CACNA2D3: variants seen among roughly 807,000 people sequenced by gnomAD.
CACNA2D3 encodes the protein calcium voltage-gated channel auxiliary subunit alpha2delta 3.
CACNA2D3 carries 60 observed loss-of-function variants against 160.6 expected under a neutral mutation model. The observed-to-expected ratio is 0.37, with a 90% CI of 0.30 to 0.46. CACNA2D3 has a LOEUF of 0.46. Among genes scored for constraint, CACNA2D3 ranks in the 20% least tolerant of loss-of-function variants. CACNA2D3 has a pLI of 1.00. For synonymous variants in CACNA2D3, 558 were observed against 492.9 expected (o/e 1.13, Z -1.75); for missense variants, 1,205 against 1,365.0 (o/e 0.88, Z 1.85).
At chr3:54,826,155 C>T (rs1219195418) in intron 14 of CACNA2D3, among the ~76,000 whole-genome samples, 1 of 152,172 alleles carries the variant, frequency 6.6e-6, no homozygotes, top group Non-Finnish European at 1.5e-5. Context: ...TGGTCATGTT[C>T]AGCTGCCTGA....
chr3:54,139,706 C>T (rs1322713553), intron 2 of CACNA2D3, among the ~76,000 whole-genome samples: 2 of 152,148 alleles, frequency 1.3e-5, no homozygotes, highest in Admixed American at 1.3e-4. Flanking sequence ...TGAATGTTGA[C>T]TTAATAACAT....
chr3:54,777,605 G>T (rs908760975), intron 13 of CACNA2D3, among the ~76,000 whole-genome samples: 3 of 152,154 alleles, frequency 2.0e-5, no homozygotes, highest in African/African-American at 7.2e-5. Flanking sequence ...TATTAAACAC[G>T]CTTGTCATTG....
chr3:54,895,630 G>T (rs1336440354), intron 25 of CACNA2D3, among the ~76,000 whole-genome samples: 2 of 152,164 alleles, frequency 1.3e-5, no homozygotes, highest in African/African-American at 4.8e-5. Context: ...CAAACTGCTG[G>T]GTTGAAAGTG....
At chr3:54,924,183 G>A (rs1047363464) in intron 27 of CACNA2D3, among the ~76,000 whole-genome samples, 1 of 152,134 alleles carries the variant, frequency 6.6e-6, no homozygotes, top group Non-Finnish European at 1.5e-5. Context: ...TTTTAGAAAA[G>A]AATTACAGTT....
chr3:54,510,946 C>T (rs924432876), intron 5 of CACNA2D3, among the ~76,000 whole-genome samples: 1 of 152,220 alleles, frequency 6.6e-6, no homozygotes, highest in Admixed American at 6.5e-5. Context: ...GCCCAGACCC[C>T]TTCCATTCAG....
intron 11 of CACNA2D3, among the ~76,000 whole-genome samples, chr3:54,736,074 CATATATATGTATGT>C (rs1701510333): frequency 1.0e-4 from 3 of 29,524 alleles, no homozygotes; most frequent in African/African-American, 3.5e-4. Flanking sequence ...TATATATATA[CATATATATGTATGT>C]GTATATATAT....
At chr3:54,735,543 T>G (rs1489805206) in intron 11 of CACNA2D3, among the ~76,000 whole-genome samples, 1 of 152,222 alleles carries the variant, frequency 6.6e-6, no homozygotes, top group Non-Finnish European at 1.5e-5. Context: ...ATTGTTGAGA[T>G]GAACTGTGGG....
At chr3:54,152,420 T>C (rs973018787) in intron 2 of CACNA2D3, among the ~76,000 whole-genome samples, 4 of 152,260 alleles carry the variant, frequency 2.6e-5, no homozygotes, top group Non-Finnish European at 5.9e-5. Context: ...AGCGACTTTG[T>C]CTTCTCTTCA....
chr3:54,752,753 TAG>T (rs1701885339), intron 12 of CACNA2D3, 76 bp downstream of exon 12: 4 of 1,004,692 alleles, frequency 4.0e-6, no homozygotes, highest in Middle Eastern at 2.0e-4. Context: ...CATGAGAAAG[TAG>T]AGAGTTCTAA....
rs182886470 is a variant in CACNA2D3, at chr3:54,760,064, G to A, written c.1247-4154G>A. On this transcript the variant is annotated intron_variant, in intron 12 of 37. Transcript: ENST00000474759. Reference sequence around the variant, plus strand: ...TGCATACCTTCCCTCCCTGTTCTTGGAATATTGCTCCCAACAAGGTGGGGA... The same window carrying A: ...TGCATACCTTCCCTCCCTGTTCTTGAAATATTGCTCCCAACAAGGTGGGGA... Among the ~76,000 whole-genome samples, 1,140 of 152,254 alleles carry A rather than the reference G, an allele frequency of 7.5e-3. 4 individuals are homozygous for A. The highest frequency in any genetic ancestry group is 0.013 in the Non-Finnish European group (857 of 68,026).
At chr3:54,276,940 G>T (rs1349723766) in intron 2 of CACNA2D3, among the ~76,000 whole-genome samples, 1 of 152,174 alleles carries the variant, frequency 6.6e-6, no homozygotes, top group Non-Finnish European at 1.5e-5. Flanking sequence ...GTAGATGAGG[G>T]TTGATGAGCT....
At chr3:54,830,961 G>C (rs1703864364) in intron 14 of CACNA2D3, among the ~76,000 whole-genome samples, 2 of 152,020 alleles carry the variant, frequency 1.3e-5, no homozygotes, top group Admixed American at 6.6e-5. Context: ...GTATTCACAA[G>C]TTATACACAC....
intron 2 of CACNA2D3, among the ~76,000 whole-genome samples, chr3:54,304,649 T>C (rs369984318): frequency 6.6e-6 from 1 of 152,336 alleles, no homozygotes; most frequent in East Asian, 1.9e-4. Flanking sequence ...TTTGCTTTAA[T>C]AAGAAGAAAA....
In CACNA2D3 at chr3:54,718,504, GT is replaced by G. The variant is rs989673353; in HGVS notation, c.1168-34085del. On this transcript the variant is annotated intron_variant, in intron 11 of 37. Transcript: ENST00000474759. ...TATAGTAGTACTTTTTAAAAATTAG[GT>G]TTTTTTTTTCTTAGATCCTCTGATG... Among the ~76,000 whole-genome samples, 241 of 149,194 alleles carry G rather than the reference GT, an allele frequency of 1.6e-3. 3 individuals carry two copies. The highest frequency in any genetic ancestry group is 5.4e-3 in the African/African-American group (218 of 40,732).
intron 11 of CACNA2D3, among the ~76,000 whole-genome samples, chr3:54,680,847 A>G (rs1411517133): frequency 6.6e-6 from 1 of 152,194 alleles, no homozygotes; most frequent in African/African-American, 2.4e-5. Flanking sequence ...TAGAAGTGAA[A>G]GAGCCCTTCC....
At chr3:54,509,472 G>A (rs1701424942) in intron 5 of CACNA2D3, among the ~76,000 whole-genome samples, 1 of 152,146 alleles carries the variant, frequency 6.6e-6, no homozygotes, top group South Asian at 2.1e-4. Flanking sequence ...TTGTCTCCCA[G>A]CCCTAATGGA....
chr3:54,331,668 AG>A (rs1704259443), intron 3 of CACNA2D3, among the ~76,000 whole-genome samples: 3 of 152,174 alleles, frequency 2.0e-5, no homozygotes, highest in Non-Finnish European at 4.4e-5. Flanking sequence ...GACCATTCAA[AG>A]GATTTAAGGT....
At chr3:54,303,398 T>C (rs183547729) in intron 2 of CACNA2D3, among the ~76,000 whole-genome samples, 45 of 152,332 alleles carry the variant, frequency 3.0e-4, no homozygotes, top group African/African-American at 1.1e-3. Flanking sequence ...AATTGTTTTG[T>C]TGGTTTGTTT....
At chr3:54,213,792 A>G (rs902042831) in intron 2 of CACNA2D3, among the ~76,000 whole-genome samples, 1 of 152,262 alleles carries the variant, frequency 6.6e-6, no homozygotes, top group African/African-American at 2.4e-5. Flanking sequence ...ATGGAAATAA[A>G]AATGAATCAA....
Sources: allele counts gnomAD v4.1 joint callset (sites outside exome capture counted in the v4.1 genomes callset), GRCh38; gene constraint gnomAD v4.1.1; transcripts MANE v1.5; gene names NCBI Gene and HGNC (gene_info 2026-07-23, HGNC 2026-07-21).